The following ZNF536 variants were observed in gnomAD, a reference collection of about 807,000 sequenced individuals.
ZNF536 encodes the protein zinc finger protein 536.
ZNF536 carries 13 observed loss-of-function variants against 84.5 expected under a neutral mutation model. That is an observed-to-expected ratio of 0.15 (90% CI 0.10 to 0.24). The LOEUF (loss-of-function observed/expected upper bound fraction) is 0.24. Ranked by LOEUF, ZNF536 falls within the 10% of genes least tolerant of loss-of-function variation. The probability of loss-of-function intolerance (pLI) is 1.00; values close to 1 mark genes in which losing one functional copy is unlikely to be tolerated. For synonymous variants in ZNF536, 811 were observed against 742.5 expected, an observed-to-expected ratio of 1.09 and a Z score of -1.50; for missense variants, 1,536 against 1,747.5, an observed-to-expected ratio of 0.88 and a Z score of 2.16.
At chr19:30,225,714 G>C (rs1182397448), upstream of ZNF536, among the ~76,000 whole-genome samples, 1 of 142,436 alleles carries the variant, frequency 7.0e-6, no homozygotes. Context: ...GGCGCGGCGC[G>C]GTGCGGGGGG....
intron 2 of ZNF536, among the ~76,000 whole-genome samples, chr19:30,487,418 G>A (rs760654277): frequency 2.6e-5 from 4 of 152,102 alleles, no homozygotes; most frequent in African/African-American, 4.8e-5. Context: ...ACCAGGGGCC[G>A]GGCCATGTGA....
chr19:30,413,419 G>A (rs1366437098), intron 1 of ZNF536, among the ~76,000 whole-genome samples: 1 of 151,980 alleles, frequency 6.6e-6, no homozygotes. Context: ...CGTTTGTTTT[G>A]CTATTGCTTT....
At chr19:30,546,035 G>A (rs113526651) in intron 3 of ZNF536, among the ~76,000 whole-genome samples, 395 of 152,280 alleles carry the variant, frequency 2.6e-3, no homozygotes, top group African/African-American at 9.1e-3. Context: ...AGGTAGGCTT[G>A]CCTGCTGTGG....
chr19:30,575,186 T>C (rs1011301071), intron 1 of ZNF536, among the ~76,000 whole-genome samples: 1 of 152,234 alleles, frequency 6.6e-6, no homozygotes, highest in Non-Finnish European at 1.5e-5. Flanking sequence ...ATCTCTCCTA[T>C]GCCAGGCACT....
In ZNF536 at chr19:30,548,994, G is replaced by A. The variant is rs1191897624; in HGVS notation, c.3375G>A (p.Gly1125=). The change falls in exon 4 of 5, where the codon GGG becomes GGA. Residue 1125 remains glycine (G), a synonymous_variant. Coordinates refer to ENST00000355537, the MANE Select transcript of ZNF536 (RefSeq NM_014717.3). ...FGVYPGMVGS[G]ASSSCPNKEP... Reference sequence around the variant, plus strand: ...TTTACCCAGGCATGGTTGGCTCAGGGGCCTCCAGTTCCTGCCCCAACAAGG... The same window carrying A: ...TTTACCCAGGCATGGTTGGCTCAGGAGCCTCCAGTTCCTGCCCCAACAAGG... The A allele has an allele frequency of 6.2e-7, 1 of 1,614,104 alleles. No homozygotes were observed.
Position 30,526,291 on chromosome 19 carries a change from T to G in ZNF536, c.2171-8556T>G, listed in dbSNP as rs138431887. Among the ~76,000 whole-genome samples the G allele has an allele frequency of 6.0e-3, 907 of 152,324 alleles. 32 individuals are homozygous for G. The highest frequency in any genetic ancestry group is 0.052 in the Admixed American group (795 of 15,300). The stretch of plus-strand genomic sequence containing the variant: ...CCCACAGCCAGCCCATAGCCACCCC[T>G]TGGGGCCTTGGCAAGATGTGGCGGT... On this transcript the variant is annotated intron_variant, in intron 2 of 4. Coordinates refer to ENST00000355537, the MANE Select transcript of ZNF536 (RefSeq NM_014717.3).
chr19:30,429,970 C>T (rs1206377854), intron 1 of ZNF536, among the ~76,000 whole-genome samples: 3 of 148,052 alleles, frequency 2.0e-5, no homozygotes, highest in Non-Finnish European at 4.4e-5. Flanking sequence ...GATAAGGGTA[C>T]AGGGTGGTGA....
upstream of ZNF536, among the ~76,000 whole-genome samples, chr19:30,227,959 C>A (rs1382990736): frequency 6.6e-6 from 1 of 151,918 alleles, no homozygotes; most frequent in Non-Finnish European, 1.5e-5. Context: ...GTGTCCCCGG[C>A]GAGTTGGGCA....
At chr19:30,664,042 AT>A (rs1335174274) in intron 1 of ZNF536, among the ~76,000 whole-genome samples, 1 of 152,144 alleles carries the variant, frequency 6.6e-6, no homozygotes, top group Non-Finnish European at 1.5e-5. Flanking sequence ...CACTAATAGC[AT>A]TTTTTCACAG....
intron 1 of ZNF536, among the ~76,000 whole-genome samples, chr19:30,652,352 C>A (rs1034809030): frequency 6.6e-6 from 1 of 152,154 alleles, no homozygotes; most frequent in African/African-American, 2.4e-5. Flanking sequence ...TCTACTGAGG[C>A]CCGCTTTATT....
At chr19:30,260,985 A>G (rs536645491) in intron 1 of ZNF536, among the ~76,000 whole-genome samples, 23 of 152,334 alleles carry the variant, frequency 1.5e-4, no homozygotes, top group Admixed American at 8.5e-4. Context: ...ATTATTGGAT[A>G]TCTAAAGACC....
Position 30,410,465 on chromosome 19 carries a change from C to CTTTTTTTTTT in ZNF536, c.-2-33078_-2-33069dup, listed in dbSNP as rs201561646. ...TAAATAAACAATGAAAAGTGAAGGT[C>CTTTTTTTTTT]TTTTTTTTTTTTTTTTTTTTTTTTT... is the stretch of plus-strand genomic sequence containing the variant. On this transcript the variant is annotated intron_variant, in intron 1 of 4. Coordinates refer to ENST00000355537, the MANE Select transcript of ZNF536 (RefSeq NM_014717.3). Among the ~76,000 whole-genome samples, 77 of 122,606 alleles carry CTTTTTTTTTT rather than the reference C, an allele frequency of 6.3e-4. 16 individuals carry two copies. Among genetic ancestry groups the CTTTTTTTTTT allele is most frequent in the African/African-American group, 3.0e-3 (75 of 24,960 alleles). The allele number at this position is 122,606 out of a possible 152,430, so 80.4% of individuals were successfully genotyped here. A position where few individuals can be genotyped will look rare whatever the true frequency, so the allele number is the denominator to read the frequency against.
chr19:30,387,715 G>A (rs2049402189), intron 1 of ZNF536, among the ~76,000 whole-genome samples: 1 of 152,218 alleles, frequency 6.6e-6, no homozygotes, highest in Non-Finnish European at 1.5e-5. Context: ...GGAGGAATAT[G>A]TGGTCCTTGT....
chr19:30,688,525 G>A (rs180789141), intron 1 of ZNF536, among the ~76,000 whole-genome samples: 88 of 152,274 alleles, frequency 5.8e-4, no homozygotes, highest in Non-Finnish European at 9.6e-4. Flanking sequence ...TTAATACAGC[G>A]TGTGAATGCA....
At chr19:30,280,186 C>T (rs1419513449) in intron 1 of ZNF536, among the ~76,000 whole-genome samples, 2 of 152,060 alleles carry the variant, frequency 1.3e-5, no homozygotes, top group African/African-American at 4.8e-5. Context: ...GCACTTTCAC[C>T]CTTCCATCTG....
At chr19:30,352,303 G>C (rs1038414170) in intron 2 of ZNF536, 1 of 152,180 alleles carries the variant, frequency 6.6e-6, no homozygotes, top group Admixed American at 6.5e-5. Flanking sequence ...GCATATTGCT[G>C]TGATTTGGTG....
chr19:30,682,632 G>A (rs1014513043), intron 1 of ZNF536, among the ~76,000 whole-genome samples: 1 of 152,216 alleles, frequency 6.6e-6, no homozygotes, highest in Non-Finnish European at 1.5e-5. Flanking sequence ...GGTCCCTCCT[G>A]ACGCTGCTTC....
chr19:30,236,838 T>C (rs950089780), intron 1 of ZNF536, among the ~76,000 whole-genome samples: 1 of 152,166 alleles, frequency 6.6e-6, no homozygotes, highest in Non-Finnish European at 1.5e-5. Flanking sequence ...GGGATGTGTA[T>C]GCCCGGCATG....
At chr19:30,333,081 C>T (rs959713084) in intron 2 of ZNF536, among the ~76,000 whole-genome samples, 2 of 152,096 alleles carry the variant, frequency 1.3e-5, no homozygotes, top group African/African-American at 4.8e-5. Flanking sequence ...CATTTTCGAC[C>T]TTCTGCCATT....
Sources: allele counts gnomAD v4.1 joint callset (sites outside exome capture counted in the v4.1 genomes callset), GRCh38; gene constraint gnomAD v4.1.1; transcripts MANE v1.5; gene names NCBI Gene and HGNC (gene_info 2026-07-23, HGNC 2026-07-21).